NEK2: variants seen among roughly 807,000 people sequenced by gnomAD.
The protein encoded by NEK2 is NIMA related kinase 2, also known as serine/threonine-protein kinase Nek2.
In NEK2, 28 loss-of-function variants were observed where a neutral mutation model predicts 54.1. That is an observed-to-expected ratio of 0.52 (90% CI 0.38 to 0.71). NEK2 has a LOEUF of 0.71. Ranked by LOEUF, NEK2 falls within the 30% of genes least tolerant of loss-of-function variation. NEK2 has a pLI of 0.00. For synonymous variants in NEK2, 176 were observed against 193.1 expected (o/e 0.91, Z 0.73); for missense variants, 407 against 531.5 (o/e 0.77, Z 2.30).
At chr1:211,670,156 G>T in intron 5 of NEK2, 125 bp downstream of exon 5, 3 of 1,056,070 alleles carry the variant, frequency 2.8e-6, no homozygotes, top group Non-Finnish European at 4.0e-6. Flanking sequence ...TGTTAACACA[G>T]TAAATTTAGC....
chr1:211,662,487 G>A (rs1056682905), downstream of NEK2, among the ~76,000 whole-genome samples: 1 of 152,154 alleles, frequency 6.6e-6, no homozygotes, highest in African/African-American at 2.4e-5. The surrounding 1 kb of genome is among the most constrained non-coding windows in gnomAD (Gnocchi z 4.2). Context: ...TCCCTGGCCT[G>A]TACCCACTAG....
chr1:211,671,394 T>G, intron 3 of NEK2, 110 bp from the exon 4 acceptor site: 1 of 709,034 alleles, frequency 1.4e-6, no homozygotes, highest in Non-Finnish European at 2.4e-6. Context: ...ACCTCAAAGT[T>G]TTTAGCTTAT....
rs1655052373 is a variant in NEK2, at chr1:211,662,775, AG to A, written c.*650del. On this transcript the variant is annotated 3_prime_UTR_variant, in exon 8 of 8. Coordinates refer to ENST00000366999, the MANE Select transcript of NEK2 (RefSeq NM_002497.4). The surrounding 1 kb of genome is among the most constrained non-coding windows in gnomAD (Gnocchi z 4.2). ...CAACAAATGCAAGACACATAACTAC[AG>A]GGAAACTGAAGAATTCTTTTATTTA... 2.0e-6 allele frequency: 2 copies of A among 985,246 alleles called. No homozygotes were observed. Among genetic ancestry groups the A allele is most frequent in the Non-Finnish European group, 2.4e-6 (2 of 829,386 alleles). The allele number at this position is 985,246 out of a possible 1,614,324, so 61.0% of individuals were successfully genotyped here.
At chr1:211,659,333 C>A (rs555532494), downstream of NEK2, among the ~76,000 whole-genome samples, 6 of 152,226 alleles carry the variant, frequency 3.9e-5, no homozygotes, top group East Asian at 1.2e-3. Context: ...CAATCATTAA[C>A]TATATTTTAA....
At chr1:211,670,546 A>C in intron 4 of NEK2, 139 bp from the exon 5 acceptor site, 1 of 1,018,846 alleles carries the variant, frequency 9.8e-7, no homozygotes, top group East Asian at 2.5e-5. Flanking sequence ...TTTTCTTCTT[A>C]TAAGTAAGTT....
intron 7 of NEK2, 127 bp downstream of exon 7, chr1:211,666,979 A>T (rs1655200537): frequency 6.6e-7 from 1 of 1,513,570 alleles, no homozygotes; most frequent in South Asian, 1.3e-5. Flanking sequence ...CATATATTCA[A>T]TGAAATCCAT....
downstream of NEK2, chr1:211,661,009 A>G (rs374804634): frequency 2.3e-4 from 171 of 741,240 alleles, no homozygotes; most frequent in African/African-American, 2.7e-3. Context: ...GGCCCGCTGG[A>G]AACTATCAGC....
intron 2 of NEK2, among the ~76,000 whole-genome samples, chr1:211,674,058 C>T (rs762533459): frequency 2.6e-5 from 4 of 152,140 alleles, no homozygotes; most frequent in Admixed American, 6.5e-5. Context: ...TCAAGTGATC[C>T]TCCCGCATCG....
rs879070808 is a variant in NEK2 at position 211,675,591 on chromosome 1, T to C, written c.-112A>G. On this transcript the variant is annotated 5_prime_UTR_variant, in exon 1 of 8. Transcript: ENST00000366999. ...GGATGGAGAAGCCCCCGAGCAGCACTGACCCGCCACCCCTGCCTTGGGCCC... is the reference window on the plus strand; with the variant it reads ...GGATGGAGAAGCCCCCGAGCAGCACCGACCCGCCACCCCTGCCTTGGGCCC... 3.8e-6 allele frequency: 3 copies of C among 797,968 alleles called. No individual in the cohort carries two copies. The highest frequency in any genetic ancestry group is 5.0e-5 in the Admixed American group (2 of 39,836). The allele number at this position is 797,968 out of a possible 1,614,324, so 49.4% of individuals were successfully genotyped here. A position where few individuals can be genotyped will look rare whatever the true frequency, so the allele number is the denominator to read the frequency against.
downstream of NEK2, among the ~76,000 whole-genome samples, chr1:211,662,460 G>T (rs1231037955): frequency 6.6e-6 from 1 of 152,160 alleles, no homozygotes; most frequent in African/African-American, 2.4e-5. This position sits in a 1 kb window ranked among gnomAD's most constrained non-coding sequence, Gnocchi z 4.2. Flanking sequence ...CCTGTGCATT[G>T]TAAAATGTTT....
At chr1:211,658,868 AT>A (rs1347316677), downstream of NEK2, among the ~76,000 whole-genome samples, 3 of 152,084 alleles carry the variant, frequency 2.0e-5, no homozygotes, top group African/African-American at 7.2e-5. Flanking sequence ...ACAACCTAAG[AT>A]TCTTTTGATG....
downstream of NEK2, chr1:211,661,338 C>A: frequency 2.2e-6 from 1 of 445,564 alleles, no homozygotes. Context: ...ATCTCCTGGC[C>A]TATCTACTCA....
chr1:211,675,527 C>T lies in NEK2; in HGVS notation c.-48G>A, dbSNP rs1420675397. On this transcript the variant is annotated 5_prime_UTR_variant, in exon 1 of 8. Transcript: ENST00000366999. ...CGCTGCCTCACGCAGGTTGCGCCGC[C>T]AAGTGCGGAGCTCCAGGGACCAGGA... 1.3e-6 allele frequency: 2 copies of T among 1,526,518 alleles called. No homozygotes were observed. Among genetic ancestry groups the T allele is most frequent in the Admixed American group, 1.7e-5 (1 of 59,604 alleles). The allele number at this position is 1,526,518 out of a possible 1,614,324, so 94.6% of individuals were successfully genotyped here.
downstream of NEK2, chr1:211,660,205 T>C: frequency 3.2e-6 from 1 of 310,624 alleles, no homozygotes; most frequent in Non-Finnish European, 6.5e-6. Flanking sequence ...TTTCCGCTTG[T>C]AGATTTTGCA....
downstream of NEK2, among the ~76,000 whole-genome samples, chr1:211,659,803 A>C: frequency 6.8e-6 from 1 of 146,344 alleles, no homozygotes; most frequent in South Asian, 2.4e-4. Flanking sequence ...ACACAAGGAA[A>C]CACTCTTCCC....
chr1:211,658,899 T>C (rs1345276858), downstream of NEK2, among the ~76,000 whole-genome samples: 2 of 152,054 alleles, frequency 1.3e-5, no homozygotes, highest in African/African-American at 2.4e-5. Context: ...AAAAACAGGA[T>C]GGGTCACTAC....
chr1:211,664,060 TTG>T (rs887685093), intron 7 of NEK2, among the ~76,000 whole-genome samples: 4 of 128,004 alleles, frequency 3.1e-5, no homozygotes, highest in African/African-American at 1.2e-4. Context: ...TTTTCTGTCT[TTG>T]TTTTTTTTTT....
At chr1:211,659,050 A>G (rs1327182987), downstream of NEK2, among the ~76,000 whole-genome samples, 1 of 152,210 alleles carries the variant, frequency 6.6e-6, no homozygotes, top group African/African-American at 2.4e-5. Context: ...CACACAGTCA[A>G]TGCTGTGACA....
intron 7 of NEK2, 186 bp downstream of exon 7, chr1:211,666,920 C>A: frequency 7.2e-7 from 1 of 1,392,102 alleles, no homozygotes; most frequent in Non-Finnish European, 9.3e-7. Context: ...GGTCTATGAA[C>A]CCAGGAAATA....
Sources: gnomAD v4.1 joint callset for allele counts (sites outside exome capture counted in the v4.1 genomes callset) on GRCh38, gnomAD v4.1.1 for gene constraint, Gnocchi (gnomAD v3.1) non-coding constraint, MANE v1.5 for transcripts, NCBI Gene and HGNC (gene_info 2026-07-23, HGNC 2026-07-21) for gene names.